Variants in SOX5 observed in about 807,000 individuals in gnomAD.
SOX5 encodes the protein transcription factor SOX-5.
In SOX5, 9 loss-of-function variants were observed where a neutral mutation model predicts 92.0. That is an observed-to-expected ratio of 0.10 (90% CI 0.06 to 0.17). The LOEUF is 0.17. Ranked by LOEUF, SOX5 falls within the 10% of genes least tolerant of loss-of-function variation. The pLI is 1.00. For missense variants in SOX5, 642 were observed against 944.5 expected, an observed-to-expected ratio of 0.68 and a Z score of 4.20; for synonymous variants, 344 against 336.3, an observed-to-expected ratio of 1.02 and a Z score of -0.25.
At chr12:23,570,039 C>T (rs1415253917) in intron 10 of SOX5, among the ~76,000 whole-genome samples, 1 of 152,088 alleles carries the variant, frequency 6.6e-6, no homozygotes, top group African/African-American at 2.4e-5. Flanking sequence ...GTCTTCTTAT[C>T]AATAGAAGCC....
Position 23,896,002 on chromosome 12 carries a change from A to G in SOX5, c.61T>C (p.Ser21Pro). 6.2e-7 allele frequency: 1 copy of G among 1,613,852 alleles called. No individual in the cohort carries two copies. Among genetic ancestry groups the G allele is most frequent in the Non-Finnish European group, 8.5e-7 (1 of 1,179,818 alleles). ...FERMSSKRPA[S>P]PYGEADGEVA... ...TCTCCATCTGCTTCCCCATACGGAGAGGCTGGTCGCTTGGAAGACATCCTG... is the reference window on the plus strand; with the variant it reads ...TCTCCATCTGCTTCCCCATACGGAGGGGCTGGTCGCTTGGAAGACATCCTG... The change falls in exon 2 of 15, where the codon TCT becomes CCT. Residue 21 changes from serine to proline, a missense_variant. This residue lies in a region of SOX5 where 113 missense variants were observed against 117.7 expected (regional missense o/e 0.96). Coordinates refer to ENST00000451604, the MANE Select transcript of SOX5 (RefSeq NM_006940.6).
At chr12:24,360,767 A>G (rs11047395) in intron 2 of SOX5, among the ~76,000 whole-genome samples, 16,438 of 152,220 alleles carry the variant, frequency 0.11, 1,100 homozygotes, top group Non-Finnish European at 0.15. Flanking sequence ...ATCCAGACTG[A>G]GTGATACACA....
rs1476770414 is a variant in SOX5 at position 23,530,540 on chromosome 12, T to TA, written c.*3678dup. The stretch of plus-strand genomic sequence containing the variant: ...AGGGATTTTATACATGGTTAACTCT[T>TA]AACTGCAGATGCCAAATGAACTTCA... On this transcript the variant is annotated 3_prime_UTR_variant, in exon 15 of 15. Transcript: ENST00000451604. 1.3e-5 allele frequency: 2 copies of TA among 152,186 alleles called. No homozygotes were observed. The highest frequency in any genetic ancestry group is 4.1e-4 in the South Asian group (2 of 4,830). The allele number at this position is 152,186 out of a possible 1,614,324, so 9.4% of individuals were successfully genotyped here.
chr12:24,198,134 C>T (rs1320301871), intron 4 of SOX5, among the ~76,000 whole-genome samples: 6 of 152,098 alleles, frequency 3.9e-5, no homozygotes, highest in African/African-American at 9.7e-5. Flanking sequence ...AGCAGCCCAT[C>T]CATCGTTCAA....
At chr12:24,144,891 G>C (rs967143265) in intron 4 of SOX5, among the ~76,000 whole-genome samples, 1 of 151,978 alleles carries the variant, frequency 6.6e-6, no homozygotes, top group Non-Finnish European at 1.5e-5. Flanking sequence ...CTATTTGAAA[G>C]TTCTCATAAT....
At chr12:23,599,209 T>A (rs980625964) in intron 9 of SOX5, among the ~76,000 whole-genome samples, 1 of 152,224 alleles carries the variant, frequency 6.6e-6, no homozygotes, top group East Asian at 1.9e-4. Flanking sequence ...GAGGCTCAGA[T>A]AACAATAAAG....
intron 4 of SOX5, among the ~76,000 whole-genome samples, chr12:24,035,364 C>A (rs1266987400): frequency 6.6e-6 from 1 of 152,080 alleles, no homozygotes; most frequent in East Asian, 1.9e-4. Context: ...GGCACATGAA[C>A]TCCTGTAACA....
intron 2 of SOX5, among the ~76,000 whole-genome samples, chr12:23,847,742 C>G (rs1158570512): frequency 6.6e-6 from 1 of 152,030 alleles, no homozygotes; most frequent in African/African-American, 2.4e-5. Context: ...TCATTTCTCA[C>G]AAACATTACA....
At chr12:24,555,196 T>C (rs2139009791) in intron 1 of SOX5, among the ~76,000 whole-genome samples, 1 of 152,310 alleles carries the variant, frequency 6.6e-6, no homozygotes, top group South Asian at 2.1e-4. Flanking sequence ...GCAAGGTGTT[T>C]GAGGCTCAAG....
intron 3 of SOX5, among the ~76,000 whole-genome samples, chr12:24,228,047 G>C (rs1962480426): frequency 6.6e-6 from 1 of 152,192 alleles, no homozygotes; most frequent in Non-Finnish European, 1.5e-5. Context: ...AATGGGTGCA[G>C]ATGTCTCCAC....
intron 7 of SOX5, among the ~76,000 whole-genome samples, chr12:23,643,840 A>G (rs1324966140): frequency 6.6e-6 from 1 of 152,098 alleles, no homozygotes; most frequent in Non-Finnish European, 1.5e-5. Context: ...GAAAGAAAGG[A>G]ATTGGAGGCA....
chr12:23,979,697 T>C (rs1241247138), intron 4 of SOX5, among the ~76,000 whole-genome samples: 44 of 75,174 alleles, frequency 5.9e-4, no homozygotes, highest in Non-Finnish European at 1.1e-3. Flanking sequence ...TATATATATA[T>C]GTTTTTTTTG....
chr12:24,347,722 T>G (rs149259466), intron 2 of SOX5, among the ~76,000 whole-genome samples: 1 of 152,314 alleles, frequency 6.6e-6, no homozygotes, highest in East Asian at 1.9e-4. Context: ...ACTTTTAAAT[T>G]CTGTATGTTA....
chr12:24,213,419 T>TAAAAAAAAAAAAAAAAA (rs67296842), intron 3 of SOX5: 3 of 96,862 alleles, frequency 3.1e-5, no homozygotes, highest in Non-Finnish European at 4.1e-5. Flanking sequence ...CTTGAAATGC[T>TAAAAAAAAAAAAAAAAA]AAAAAAAAAA....
intron 1 of SOX5, among the ~76,000 whole-genome samples, chr12:24,463,436 C>G (rs1319666440): frequency 6.6e-6 from 1 of 152,104 alleles, no homozygotes; most frequent in Non-Finnish European, 1.5e-5. Context: ...AATGACAAGA[C>G]CTAAAAGTTA....
At chr12:23,764,975 T>C (rs118143369) in intron 3 of SOX5, among the ~76,000 whole-genome samples, 2,816 of 152,186 alleles carry the variant, frequency 0.019, 43 homozygotes, top group Non-Finnish European at 0.027. Flanking sequence ...ACATGATTCA[T>C]ATGATAAATC....
Position 24,307,518 on chromosome 12 carries a change from G to GAAGTTAGTTTGTACTTCAAGCCT in SOX5, c.-173-30207_-173-30206insAGGCTTGAAGTACAAACTAACTT, listed in dbSNP as rs1595425918. Among the ~76,000 whole-genome samples the GAAGTTAGTTTGTACTTCAAGCCT allele has an allele frequency of 2.0e-3, 53 of 25,930 alleles. 1 individual carries two copies. The highest frequency in any genetic ancestry group is 3.2e-3 in the Non-Finnish European group (25 of 7,926). 17.0% of individuals were successfully genotyped at this position (25,930 alleles called of 152,430 possible). On this transcript the variant is annotated intron_variant, in intron 2 of 4. Transcript: ENST00000446891. The stretch of plus-strand genomic sequence containing the variant: ...GGAAGGAAGGAAGGAAGGAAGGAAG[G>GAAGTTAGTTTGTACTTCAAGCCT]CCGGCCCCCCCACCCACCCACTCAC...
chr12:24,524,885 G>C (rs971115674), intron 1 of SOX5, among the ~76,000 whole-genome samples: 4 of 152,108 alleles, frequency 2.6e-5, no homozygotes, highest in African/African-American at 7.2e-5. Flanking sequence ...GGCTGGGCCT[G>C]GTGGCATGTT....
chr12:24,285,600 G>A (rs1476003844), intron 2 of SOX5, among the ~76,000 whole-genome samples: 1 of 152,190 alleles, frequency 6.6e-6, no homozygotes, highest in East Asian at 1.9e-4. Flanking sequence ...TAAGGAGGTA[G>A]CTCAGTCTGG....
Sources: gnomAD v4.1 joint callset for allele counts (sites outside exome capture counted in the v4.1 genomes callset) on GRCh38, gnomAD v4.1.1 for gene constraint, gnomAD v4.1.1 regional missense constraint, MANE v1.5 for transcripts, NCBI Gene and HGNC (gene_info 2026-07-23, HGNC 2026-07-21) for gene names.